The following DCDC1 variants were observed in gnomAD, a reference collection of about 807,000 sequenced individuals.
DCDC1 encodes doublecortin domain containing 1, also known as doublecortin domain-containing protein 1.
Under a neutral mutation model 178.3 loss-of-function variants are expected in DCDC1, and 200 were observed. The observed-to-expected ratio is 1.12, with a 90% CI of 1.00 to 1.26. The LOEUF is 1.26. Among genes scored for constraint, DCDC1 ranks in the 50% most tolerant of loss-of-function variants. The pLI is 0.00. For synonymous variants in DCDC1, 690 were observed against 604.8 expected (o/e 1.14, Z -2.07); for missense variants, 1,983 against 1,749.2 (o/e 1.13, Z -2.38).
At chr11:30,996,501 G>A (rs1565165673) in intron 20 of DCDC1, among the ~76,000 whole-genome samples, 1 of 152,140 alleles carries the variant, frequency 6.6e-6, no homozygotes, top group Non-Finnish European at 1.5e-5. Flanking sequence ...TTTGGTAGGT[G>A]ATGCAGTTAT....
chr11:31,035,014 C>A (rs1337474806), intron 20 of DCDC1, among the ~76,000 whole-genome samples: 2 of 152,166 alleles, frequency 1.3e-5, no homozygotes, highest in Non-Finnish European at 2.9e-5. Context: ...AAGTTCTATA[C>A]AATTGCAAGG....
chr11:31,010,676 G>A (rs1337213003), intron 20 of DCDC1, among the ~76,000 whole-genome samples: 1 of 152,138 alleles, frequency 6.6e-6, no homozygotes, highest in Non-Finnish European at 1.5e-5. Context: ...TTTATGGTGT[G>A]TCTTTCACAA....
chr11:31,335,639 T>C (rs1227193450), intron 1 of DCDC1, 75 bp from the exon 2 acceptor site: 1 of 152,222 alleles, frequency 6.6e-6, no homozygotes, highest in African/African-American at 2.4e-5. Context: ...TAAGAAATCA[T>C]GTCAAAGAAT....
intron 34 of DCDC1, among the ~76,000 whole-genome samples, chr11:30,897,110 A>G (rs1392008495): frequency 2.0e-5 from 3 of 152,166 alleles, no homozygotes; most frequent in East Asian, 1.9e-4. Flanking sequence ...AATGTTTTAT[A>G]AGCATGTGTT....
chr11:31,085,390 C>T (rs1957412225), intron 17 of DCDC1, among the ~76,000 whole-genome samples: 2 of 152,020 alleles, frequency 1.3e-5, no homozygotes, highest in African/African-American at 4.8e-5. Flanking sequence ...TCCCTCCTGT[C>T]CCTTCCCCAT....
rs1214697693 is a variant in DCDC1 at position 31,337,665 on chromosome 11, A to AATCG, written c.-124-2102_-124-2101insCGAT. ...GGGTGAGTGAGACCCTGTCTCAATC[A>AATCG]ATCAATCAATCAATCAATCAAACTA... On this transcript the variant is annotated intron_variant, in intron 1 of 38. Coordinates refer to ENST00000684477, the MANE Select transcript of DCDC1 (RefSeq NM_001387274.1). Among the ~76,000 whole-genome samples the AATCG allele has an allele frequency of 2.6e-5, 4 of 151,914 alleles. No individual in the cohort carries two copies. In the East Asian group the frequency reaches 7.8e-4, roughly 29 times the overall value.
At chr11:31,114,117 T>C (rs1026554698) in intron 11 of DCDC1, among the ~76,000 whole-genome samples, 11 of 152,122 alleles carry the variant, frequency 7.2e-5, no homozygotes, top group Non-Finnish European at 1.5e-4. Flanking sequence ...CTGAGCTATA[T>C]AGAGAAGTGA....
At chr11:31,253,034 T>C (rs1446357331) in intron 8 of DCDC1, among the ~76,000 whole-genome samples, 1 of 152,146 alleles carries the variant, frequency 6.6e-6, no homozygotes, top group African/African-American at 2.4e-5. Context: ...TATACTACAT[T>C]GAGTATCAAA....
intron 27 of DCDC1, 131 bp from the exon 28 acceptor site, chr11:30,911,551 A>G (rs1945449092): frequency 5.6e-6 from 4 of 710,466 alleles, no homozygotes; most frequent in Non-Finnish European, 9.9e-6. Context: ...TCCTTTAAGA[A>G]TTTCTCCCCT....
At chr11:30,872,667 G>A (rs183618609) in intron 38 of DCDC1, among the ~76,000 whole-genome samples, 2 of 152,006 alleles carry the variant, frequency 1.3e-5, no homozygotes, top group African/African-American at 4.8e-5. Flanking sequence ...CCCTCATTCT[G>A]CTTCTTTCCA....
intron 17 of DCDC1, among the ~76,000 whole-genome samples, chr11:31,082,498 A>G (rs542165258): frequency 6.6e-6 from 1 of 152,248 alleles, no homozygotes; most frequent in Admixed American, 6.5e-5. Flanking sequence ...CCTATTAAGC[A>G]TGCATATGTT....
intron 20 of DCDC1, among the ~76,000 whole-genome samples, chr11:30,986,890 T>C (rs574996655): frequency 6.6e-6 from 1 of 152,228 alleles, no homozygotes; most frequent in Admixed American, 6.5e-5. Context: ...CACTAAACAA[T>C]ACCATCAAAG....
In DCDC1 at chr11:31,094,864, T is replaced by C. The variant is rs558771785; in HGVS notation, c.1984-680A>G. Reference sequence around the variant, plus strand: ...AACAAACAGGTTTGTTACATAGGTATACACGTGCCATGGTGGTTTGCTACA... The same window carrying C: ...AACAAACAGGTTTGTTACATAGGTACACACGTGCCATGGTGGTTTGCTACA... On this transcript the variant is annotated intron_variant, in intron 15 of 38. Transcript: ENST00000684477. 2.6e-5 allele frequency among the ~76,000 whole-genome samples: 4 copies of C among 152,190 alleles called. No homozygotes were observed. In the South Asian group the frequency reaches 8.3e-4, roughly 32 times the overall value.
At chr11:31,203,243 T>C (rs1467646862) in intron 9 of DCDC1, among the ~76,000 whole-genome samples, 1 of 152,110 alleles carries the variant, frequency 6.6e-6, no homozygotes, top group Non-Finnish European at 1.5e-5. Context: ...ACAAATCAAT[T>C]ATTCATAAAG....
At chr11:30,915,490 A>AC (rs1402863975) in intron 27 of DCDC1, 21 bp downstream of exon 27, 25 of 1,613,034 alleles carry the variant, frequency 1.5e-5, no homozygotes, top group Non-Finnish European at 1.9e-5. Context: ...GATATAGTAA[A>AC]CCCAAATATA....
chr11:30,894,323 G>C lies in DCDC1; in HGVS notation c.4827C>G (p.Pro1609=), dbSNP rs369919606. 11 of 1,613,680 alleles carry C rather than the reference G, an allele frequency of 6.8e-6. No individual in the cohort carries two copies. The change falls in exon 35 of 39, where the codon CCC becomes CCG. Residue 1609 remains proline (P), a synonymous_variant. Coordinates refer to ENST00000684477, the MANE Select transcript of DCDC1 (RefSeq NM_001387274.1). ...TMVPTKSPVQ[P]VVVEGGWTEQ... Reference sequence around the variant, plus strand: ...CGGTCCAGCCTCCTTCAACCACCACGGGCTGCACAGGGCTCTTGGTAGGAA... The same window carrying C: ...CGGTCCAGCCTCCTTCAACCACCACCGGCTGCACAGGGCTCTTGGTAGGAA...
chr11:30,991,273 A>G (rs1950964686), intron 20 of DCDC1, among the ~76,000 whole-genome samples: 1 of 152,094 alleles, frequency 6.6e-6, no homozygotes, highest in Admixed American at 6.6e-5. Context: ...ATAGACTGTA[A>G]TACTAGGTAT....
intron 38 of DCDC1, among the ~76,000 whole-genome samples, chr11:30,867,289 G>A (rs1010872083): frequency 6.6e-6 from 1 of 152,166 alleles, no homozygotes; most frequent in Non-Finnish European, 1.5e-5. Context: ...GGCAGATTTG[G>A]GTATAAATCC....
At chr11:31,210,706 G>A (rs1394788820) in intron 9 of DCDC1, among the ~76,000 whole-genome samples, 8 of 135,202 alleles carry the variant, frequency 5.9e-5, no homozygotes, top group African/African-American at 8.4e-5. Context: ...GAGAGACTCC[G>A]TCTCAAAAAA....
Sources: gnomAD v4.1 joint callset for allele counts (sites outside exome capture counted in the v4.1 genomes callset) on GRCh38, gnomAD v4.1.1 for gene constraint, MANE v1.5 for transcripts, NCBI Gene and HGNC (gene_info 2026-07-23, HGNC 2026-07-21) for gene names.